SH3GL3: variants seen among roughly 807,000 people sequenced by gnomAD.
The protein encoded by SH3GL3 is endophilin-A3.
A neutral mutation model predicts 47.7 loss-of-function variants in SH3GL3; 33 were observed. The observed-to-expected ratio is 0.69, with a 90% confidence interval of 0.52 to 0.92. The LOEUF is 0.92. Among genes scored for constraint, SH3GL3 ranks in the 40% least tolerant of loss-of-function variants. The pLI is 0.00. For synonymous variants in SH3GL3, 155 were observed against 148.8 expected (o/e 1.04, Z -0.30); for missense variants, 363 against 417.8 (o/e 0.87, Z 1.14).
intron 1 of SH3GL3, among the ~76,000 whole-genome samples, chr15:83,519,640 T>C (rs1181132893): frequency 6.6e-6 from 1 of 152,212 alleles, no homozygotes; most frequent in Non-Finnish European, 1.5e-5. Context: ...TTTTCCTATT[T>C]GGATTCCTTT....
chr15:83,609,018 G>C (rs2060598629), intron 8 of SH3GL3, among the ~76,000 whole-genome samples: 1 of 152,150 alleles, frequency 6.6e-6, no homozygotes, highest in Admixed American at 6.5e-5. Context: ...CAGCCCAAAG[G>C]GGTGTTAACC....
At chr15:83,503,960 T>A (rs551998226) in intron 1 of SH3GL3, among the ~76,000 whole-genome samples, 3 of 152,332 alleles carry the variant, frequency 2.0e-5, no homozygotes, top group Non-Finnish European at 4.4e-5. Context: ...TCTTTAATTG[T>A]GAGATGAAAT....
chr15:83,618,467 T>G lies in SH3GL3; in HGVS notation c.*180T>G, dbSNP rs1050789. The G allele has an allele frequency of 0.14, 75,538 of 546,842 alleles. 7,053 individuals carry two copies. Among genetic ancestry groups the G allele is most frequent in the African/African-American group, 0.35 (16,000 of 45,286 alleles). 33.9% of individuals were successfully genotyped at this position (546,842 alleles called of 1,614,324 possible). A position where few individuals can be genotyped will look rare whatever the true frequency, so the allele number is the denominator to read the frequency against. ...ATTTGTATAAATGATTTTCTTGTCC[T>G]TGCTACATGAAAATATTTTCTTTTT... On this transcript the variant is annotated 3_prime_UTR_variant, in exon 9 of 9. Coordinates refer to ENST00000427482, the MANE Select transcript of SH3GL3 (RefSeq NM_003027.5).
intron 1 of SH3GL3, among the ~76,000 whole-genome samples, chr15:83,537,470 A>G (rs1753643248): frequency 6.6e-6 from 1 of 152,236 alleles, no homozygotes; most frequent in African/African-American, 2.4e-5. Flanking sequence ...TTTGTAGATA[A>G]GGAATTGGAA....
chr15:83,580,136 C>A (rs2059793542), intron 6 of SH3GL3, among the ~76,000 whole-genome samples: 1 of 152,206 alleles, frequency 6.6e-6, no homozygotes, highest in Non-Finnish European at 1.5e-5. Flanking sequence ...TTTCCTGCTC[C>A]CTGTGAGTCA....
chr15:83,510,791 GA>G (rs2042714759), intron 1 of SH3GL3, among the ~76,000 whole-genome samples: 1 of 151,928 alleles, frequency 6.6e-6, no homozygotes, highest in African/African-American at 2.4e-5. Context: ...AGCCAAAGTG[GA>G]AAAAGGAAGG....
At position 83,576,674 on chromosome 15, in the gene SH3GL3, C is replaced by G; in HGVS notation, c.557C>G (p.Ala186Gly). Residue 186 changes from alanine (A) to glycine (G), a missense_variant, in exon 6 of 9, where the codon GCG becomes GGG. By Grantham distance (60) the Ala-to-Gly change is moderately conservative. Coordinates refer to ENST00000427482, the MANE Select transcript of SH3GL3 (RefSeq NM_003027.5). ...GKIPDEEVRQ[A>G]VEKFEESKEL... ...ATACCAGACGAAGAAGTCAGACAAG[C>G]GGTAGAAAAATTTGAAGAGTCAAAG... The G allele has an allele frequency of 6.2e-7, 1 of 1,612,852 alleles. No individual in the cohort carries two copies. Among genetic ancestry groups the G allele is most frequent in the Non-Finnish European group, 8.5e-7 (1 of 1,179,260 alleles).
In SH3GL3 at chr15:83,456,123, G is replaced by T. The variant is rs1239268786; in HGVS notation, c.45+8545G>T. ...GGTGCCTCCCAGTTAGGCTGCTCGG[G>T]GGTCAGGGGTCAGGGACCCACTTGA... On this transcript the variant is annotated intron_variant, in intron 1 of 8. Coordinates refer to ENST00000427482, the MANE Select transcript of SH3GL3 (RefSeq NM_003027.5). 2.3e-5 allele frequency among the ~76,000 whole-genome samples: 2 copies of T among 86,964 alleles called. 1 individual carries two copies. The highest frequency in any genetic ancestry group is 4.9e-5 in the Non-Finnish European group (2 of 40,856). The allele number at this position is 86,964 out of a possible 152,430, so 57.1% of individuals were successfully genotyped here. A position where few individuals can be genotyped will look rare whatever the true frequency, so the allele number is the denominator to read the frequency against.
At chr15:83,510,132 A>G (rs10152516) in intron 1 of SH3GL3, among the ~76,000 whole-genome samples, 27,620 of 151,864 alleles carry the variant, frequency 0.18, 2,911 homozygotes, top group South Asian at 0.45. Context: ...TTGTTATTCA[A>G]TGCTTGTGCC....
chr15:83,584,761 A>G lies in SH3GL3; in HGVS notation c.625-2222A>G, dbSNP rs531539930. On this transcript the variant is annotated intron_variant, in intron 6 of 8. Transcript: ENST00000427482. The stretch of plus-strand genomic sequence containing the variant: ...GGTGAGGTCACACTTTGCTCTCAAG[A>G]TGGCACCAGCACAGTGTCAGCCCAG... 2.0e-5 allele frequency among the ~76,000 whole-genome samples: 3 copies of G among 152,332 alleles called. No homozygotes were observed. The East Asian group carries it at 5.8e-4, about 29-fold the overall frequency.
intron 1 of SH3GL3, among the ~76,000 whole-genome samples, chr15:83,475,215 C>T (rs941990772): frequency 1.3e-5 from 2 of 151,808 alleles, no homozygotes; most frequent in East Asian, 1.9e-4. Flanking sequence ...CAGTGGCTCA[C>T]GCCTGTAATC....
intron 8 of SH3GL3, among the ~76,000 whole-genome samples, chr15:83,613,667 CT>C (rs1396411060): frequency 2.0e-5 from 3 of 150,176 alleles, no homozygotes; most frequent in African/African-American, 7.4e-5. Flanking sequence ...ATCTATCTAT[CT>C]ATCTATCATT....
At chr15:83,477,018 G>A (rs956658084) in intron 1 of SH3GL3, among the ~76,000 whole-genome samples, 3 of 152,154 alleles carry the variant, frequency 2.0e-5, no homozygotes, top group Non-Finnish European at 4.4e-5. Context: ...TTCTTACTTT[G>A]TAGTTCAGGA....
chr15:83,592,913 A>G lies in SH3GL3; in HGVS notation c.838+4142A>G, dbSNP rs553292097. ...ATCCTGCATAAGTTGTCTTCTGCACATCGGTTTAATAAAAAAGAACAAACA... is the reference window on the plus strand; with the variant it reads ...ATCCTGCATAAGTTGTCTTCTGCACGTCGGTTTAATAAAAAAGAACAAACA... On this transcript the variant is annotated intron_variant, in intron 8 of 8. Coordinates refer to ENST00000427482, the MANE Select transcript of SH3GL3 (RefSeq NM_003027.5). Among the ~76,000 whole-genome samples, 18 of 143,850 alleles carry G rather than the reference A, an allele frequency of 1.3e-4. No individual in the cohort carries two copies. In the South Asian group the frequency reaches 4.0e-3, roughly 32 times the overall value. 94.4% of individuals were successfully genotyped at this position (143,850 alleles called of 152,430 possible).
chr15:83,596,655 A>G (rs912553090), intron 8 of SH3GL3, among the ~76,000 whole-genome samples: 2 of 152,082 alleles, frequency 1.3e-5, no homozygotes, highest in African/African-American at 4.8e-5. Context: ...TTGTTTTAAG[A>G]TACGGGGTTT....
chr15:83,602,645 A>G (rs933429169), intron 8 of SH3GL3, among the ~76,000 whole-genome samples: 2 of 152,134 alleles, frequency 1.3e-5, no homozygotes, highest in African/African-American at 2.4e-5. Context: ...GGGAACACAC[A>G]CATTCAGGCC....
At position 83,587,073 on chromosome 15, in the gene SH3GL3, AAGCTAC is replaced by A; in HGVS notation, c.718_723del (p.Leu240_Gln241del). The A allele has an allele frequency of 6.3e-7, 1 of 1,595,974 alleles. No individual in the cohort carries two copies. Among genetic ancestry groups the A allele is most frequent in the Non-Finnish European group, 8.6e-7 (1 of 1,166,192 alleles). The stretch of plus-strand genomic sequence containing the variant: ...AGAGATTCTGCAGGAGCTGCAGAGC[AAGCTAC>A]AGATGCGGTAAGCACCTCCACGTTT... On this transcript the variant is annotated inframe_deletion, in exon 7 of 9. Transcript: ENST00000427482.
intron 1 of SH3GL3, among the ~76,000 whole-genome samples, chr15:83,489,900 AGATAATAG>A (rs1421431092): frequency 2.8e-5 from 4 of 145,330 alleles, no homozygotes; most frequent in African/African-American, 1.0e-4. Context: ...ATAGATAGAT[AGATAATAG>A]ATAGATGATT....
In SH3GL3 at chr15:83,447,383, C is replaced by CGGCTGT. The variant is rs1257959448; in HGVS notation, c.-141_-136dup. 1.4e-5 allele frequency: 6 copies of CGGCTGT among 433,054 alleles called. No individual in the cohort carries two copies. Among genetic ancestry groups the CGGCTGT allele is most frequent in the East Asian group, 4.3e-5 (1 of 23,076 alleles). The allele number at this position is 433,054 out of a possible 1,614,324, so 26.8% of individuals were successfully genotyped here. A position where few individuals can be genotyped will look rare whatever the true frequency, so the allele number is the denominator to read the frequency against. On this transcript the variant is annotated 5_prime_UTR_variant, in exon 1 of 9. Transcript: ENST00000427482. This position sits in a 1 kb window ranked among gnomAD's most constrained non-coding sequence, Gnocchi z 5.1. ...GCGCGCGTGTGTGCGAGTGTGACAG[C>CGGCTGT]GGCTGTGGCTGTGGCCGTGGCCGTG...
Sources: gnomAD v4.1 joint callset for allele counts (sites outside exome capture counted in the v4.1 genomes callset) on GRCh38, gnomAD v4.1.1 for gene constraint, Gnocchi (gnomAD v3.1) non-coding constraint, MANE v1.5 for transcripts, NCBI Gene and HGNC (gene_info 2026-07-23, HGNC 2026-07-21) for gene names.